Variants in CATSPERB observed in about 807,000 individuals in gnomAD.
CATSPERB encodes catsper channel auxiliary subunit beta.
In CATSPERB, 93 loss-of-function variants were observed where a neutral mutation model predicts 128.3. The ratio of observed to expected loss-of-function variants is 0.72; its 90% CI spans 0.61 to 0.86. The LOEUF (loss-of-function observed/expected upper bound fraction) is 0.86, where lower values mean the gene tolerates loss of function less well. CATSPERB is among the 40% of genes least tolerant of loss of function. The pLI is 0.00. For missense variants in CATSPERB, 1,153 were observed against 1,329.5 expected (o/e 0.87, Z 2.06); for synonymous variants, 381 against 448.8 (o/e 0.85, Z 1.91).
intron 17 of CATSPERB, among the ~76,000 whole-genome samples, chr14:91,631,768 C>T (rs371049684): frequency 2.0e-4 from 31 of 151,880 alleles, no homozygotes; most frequent in African/African-American, 5.6e-4. Context: ...TTTGAGGAAC[C>T]GAGGGACCAG....
intron 24 of CATSPERB, among the ~76,000 whole-genome samples, chr14:91,588,756 G>T (rs1893348172): frequency 6.6e-6 from 1 of 152,182 alleles, no homozygotes; most frequent in Admixed American, 6.5e-5. Flanking sequence ...AATGTTTAAT[G>T]ATCAGGACTC....
At chr14:91,678,629 A>G (rs1249054152) in intron 11 of CATSPERB, among the ~76,000 whole-genome samples, 1 of 152,232 alleles carries the variant, frequency 6.6e-6, no homozygotes, top group Non-Finnish European at 1.5e-5. Flanking sequence ...GGTTTTAAAT[A>G]TGATTAATAA....
At chr14:91,603,024 T>C in intron 22 of CATSPERB, 1 of 778,280 alleles carries the variant, frequency 1.3e-6, no homozygotes, top group Non-Finnish European at 2.4e-6. Flanking sequence ...GCAGTATTAG[T>C]GAGTGATGTG....
At chr14:91,598,749 T>C (rs918863675) in intron 22 of CATSPERB, among the ~76,000 whole-genome samples, 1 of 149,946 alleles carries the variant, frequency 6.7e-6, no homozygotes, top group Admixed American at 6.7e-5. Context: ...TCCCAGCTAC[T>C]TGGGAGGCTG....
Position 91,588,132 on chromosome 14 carries a change from A to C in CATSPERB, c.2957-54T>G. The C allele has an allele frequency of 3.5e-6, 4 of 1,157,612 alleles. No individual in the cohort carries two copies. The Admixed American group carries it at 8.8e-5, about 25-fold the overall frequency. 71.7% of individuals were successfully genotyped at this position (1,157,612 alleles called of 1,614,324 possible). A position where few individuals can be genotyped will look rare whatever the true frequency, so the allele number is the denominator to read the frequency against. ...ACACTTATTTTTCTCATTTTGTATT[A>C]GGTTGGTGCAAAAGTAATTGCTGTT... On this transcript the variant is annotated intron_variant, in intron 24 of 26. Coordinates refer to ENST00000256343, the MANE Select transcript of CATSPERB (RefSeq NM_024764.4).
chr14:91,595,257 G>C (rs999855578), intron 22 of CATSPERB, among the ~76,000 whole-genome samples: 1 of 151,610 alleles, frequency 6.6e-6, no homozygotes, highest in Non-Finnish European at 1.5e-5. Context: ...GACTTTGATA[G>C]AACTTTGTTC....
chr14:91,690,251 C>T (rs1362258404), intron 10 of CATSPERB, among the ~76,000 whole-genome samples: 1 of 152,182 alleles, frequency 6.6e-6, no homozygotes, highest in African/African-American at 2.4e-5. Context: ...CCTCAGCCTC[C>T]CAAAGTGCTG....
At position 91,581,551 on chromosome 14, in the gene CATSPERB, T is replaced by C. The variant is rs79953308; in HGVS notation, c.3133-444A>G. ...AAGGAACATTCCAGGTAGAGGCATA[T>C]GTCTGTGCTCTTTCAAGTTACCACC... On this transcript the variant is annotated intron_variant, in intron 26 of 26. Transcript: ENST00000256343. Among the ~76,000 whole-genome samples, 397 of 152,358 alleles carry C rather than the reference T, an allele frequency of 2.6e-3. 13 individuals carry two copies. The East Asian group carries it at 0.066, about 25-fold the overall frequency.
At chr14:91,690,139 T>C (rs1895441675) in intron 10 of CATSPERB, among the ~76,000 whole-genome samples, 1 of 152,128 alleles carries the variant, frequency 6.6e-6, no homozygotes, top group South Asian at 2.1e-4. Flanking sequence ...ATTACAGGCA[T>C]GTACCAACAT....
chr14:91,683,038 G>A (rs1261880338), intron 11 of CATSPERB, among the ~76,000 whole-genome samples: 2 of 152,120 alleles, frequency 1.3e-5, no homozygotes, highest in East Asian at 1.9e-4. Context: ...TCCCAATAAC[G>A]GATTGGTTTA....
At chr14:91,667,761 T>C (rs9323861) in intron 14 of CATSPERB, among the ~76,000 whole-genome samples, 57,669 of 151,600 alleles carry the variant, frequency 0.38, 11,049 homozygotes, top group Middle Eastern at 0.49. Flanking sequence ...AGATGCTACC[T>C]GGCGTTTACA....
chr14:91,593,117 T>C (rs529686100), intron 22 of CATSPERB, among the ~76,000 whole-genome samples: 9 of 152,344 alleles, frequency 5.9e-5, no homozygotes, highest in Non-Finnish European at 1.2e-4. Flanking sequence ...TCTGCCTAGA[T>C]TTCAGATGTA....
chr14:91,691,945 G>A (rs1037008826), intron 9 of CATSPERB, among the ~76,000 whole-genome samples: 4 of 152,248 alleles, frequency 2.6e-5, no homozygotes, highest in Middle Eastern at 3.4e-3. Context: ...TTGGGAGGCC[G>A]CGATAGGCGG....
At chr14:91,635,790 C>T (rs1477386246) in intron 17 of CATSPERB, 1 of 152,198 alleles carries the variant, frequency 6.6e-6, no homozygotes, top group Non-Finnish European at 1.5e-5. Flanking sequence ...GCCTCCACTA[C>T]ATTAAATGTG....
At chr14:91,632,142 T>A (rs1285609) in intron 17 of CATSPERB, among the ~76,000 whole-genome samples, 1 of 151,906 alleles carries the variant, frequency 6.6e-6, no homozygotes, top group South Asian at 2.1e-4. Context: ...TGAACTAAAC[T>A]CTCCAACTAA....
At chr14:91,616,074 T>C (rs1206032963) in intron 20 of CATSPERB, among the ~76,000 whole-genome samples, 2 of 152,114 alleles carry the variant, frequency 1.3e-5, no homozygotes, top group Non-Finnish European at 2.9e-5. Flanking sequence ...AGAGATGGGG[T>C]TTCACTGTGT....
chr14:91,678,006 T>G (rs150102834), intron 11 of CATSPERB, among the ~76,000 whole-genome samples: 65 of 152,156 alleles, frequency 4.3e-4, no homozygotes, highest in African/African-American at 1.4e-3. Context: ...ATGTTCTTAC[T>G]CATAAGTGGG....
Position 91,592,049 on chromosome 14 carries a change from G to T in CATSPERB, c.2710-47C>A, listed in dbSNP as rs1175851656. Reference sequence around the variant, plus strand: ...GTTGACTTGTTTTTCTGCGTTGCGGGATTTCTGCAAACTGATAAATATCTA... The same window carrying T: ...GTTGACTTGTTTTTCTGCGTTGCGGTATTTCTGCAAACTGATAAATATCTA... On this transcript the variant is annotated intron_variant, in intron 22 of 26. Transcript: ENST00000256343. 22 of 1,169,110 alleles carry T rather than the reference G, an allele frequency of 1.9e-5. 1 individual carries two copies. In the East Asian group the frequency reaches 5.1e-4, roughly 27 times the overall value. 72.4% of individuals were successfully genotyped at this position (1,169,110 alleles called of 1,614,324 possible). A position where few individuals can be genotyped will look rare whatever the true frequency, so the allele number is the denominator to read the frequency against.
At chr14:91,702,147 T>C (rs1895661397) in intron 7 of CATSPERB, among the ~76,000 whole-genome samples, 1 of 151,848 alleles carries the variant, frequency 6.6e-6, no homozygotes, top group Non-Finnish European at 1.5e-5. Flanking sequence ...GAATCAAGCA[T>C]GAGGAGTTCA....
Sources: gnomAD v4.1 joint callset for allele counts (sites outside exome capture counted in the v4.1 genomes callset) on GRCh38, gnomAD v4.1.1 for gene constraint, MANE v1.5 for transcripts, NCBI Gene and HGNC (gene_info 2026-07-23, HGNC 2026-07-21) for gene names.